The following VPS13B variants were observed in gnomAD, a reference collection of about 807,000 sequenced individuals.
VPS13B encodes intermembrane lipid transfer protein VPS13B.
VPS13B carries 285 observed loss-of-function variants against 426.4 expected under a neutral mutation model. The ratio of observed to expected loss-of-function variants is 0.67; its 90% CI spans 0.61 to 0.74. The LOEUF is 0.74. Ranked by LOEUF, VPS13B falls within the 30% of genes least tolerant of loss-of-function variation. The pLI is 0.00. For missense variants in VPS13B, 4,537 were observed against 4,782.6 expected (o/e 0.95, Z 1.51); for synonymous variants, 1,676 against 1,676.4 (o/e 1.00, Z 0.01).
intron 12 of VPS13B, among the ~76,000 whole-genome samples, chr8:99,138,743 T>C (rs1023253290): frequency 6.6e-6 from 1 of 152,230 alleles, no homozygotes; most frequent in Non-Finnish European, 1.5e-5. Context: ...TGTGTTCTAA[T>C]AGCATTGCAA....
intron 35 of VPS13B, among the ~76,000 whole-genome samples, chr8:99,677,446 G>A (rs1830985179): frequency 6.6e-6 from 1 of 152,204 alleles, no homozygotes; most frequent in Admixed American, 6.5e-5. Context: ...TTATCAAAAT[G>A]AAACAGTAAA....
chr8:99,695,026 A>G (rs1217201270), intron 35 of VPS13B, among the ~76,000 whole-genome samples: 3 of 147,736 alleles, frequency 2.0e-5, no homozygotes, highest in South Asian at 2.3e-4. Context: ...TAGAATGGCA[A>G]TCATTAAAAA....
At chr8:99,503,151 C>T (rs1821328427) in intron 27 of VPS13B, among the ~76,000 whole-genome samples, 1 of 152,146 alleles carries the variant, frequency 6.6e-6, no homozygotes, top group South Asian at 2.1e-4. Context: ...TGTTTGGTTT[C>T]TCAGTGTATA....
At chr8:99,676,427 C>G (rs1007602556) in intron 35 of VPS13B, among the ~76,000 whole-genome samples, 4 of 152,034 alleles carry the variant, frequency 2.6e-5, no homozygotes, top group Non-Finnish European at 4.4e-5. Context: ...TACATGGGTA[C>G]TGACCTAAAT....
chr8:99,701,225 G>A (rs1297019072), intron 36 of VPS13B, among the ~76,000 whole-genome samples: 1 of 152,168 alleles, frequency 6.6e-6, no homozygotes, highest in Non-Finnish European at 1.5e-5. Context: ...CATGGGTCAT[G>A]AAAGACTATG....
intron 15 of VPS13B, among the ~76,000 whole-genome samples, chr8:99,159,603 A>G (rs1811535796): frequency 6.6e-6 from 1 of 152,220 alleles, no homozygotes; most frequent in African/African-American, 2.4e-5. Context: ...CATCAAGGCA[A>G]AAAGGTTATT....
At chr8:99,266,647 G>C in intron 17 of VPS13B, among the ~76,000 whole-genome samples, 1 of 152,068 alleles carries the variant, frequency 6.6e-6, no homozygotes, top group Non-Finnish European at 1.5e-5. Flanking sequence ...GTGGTAGTGA[G>C]TTCTAGAGGG....
chr8:99,619,649 A>G (rs1828266213), intron 33 of VPS13B, among the ~76,000 whole-genome samples: 1 of 152,106 alleles, frequency 6.6e-6, no homozygotes, highest in African/African-American at 2.4e-5. Flanking sequence ...AGACAGGAGG[A>G]TTGCTTAAGT....
intron 19 of VPS13B, among the ~76,000 whole-genome samples, chr8:99,356,438 A>G (rs903567760): frequency 6.6e-5 from 10 of 152,210 alleles, no homozygotes; most frequent in South Asian, 2.1e-4. Flanking sequence ...GCTGGAGACC[A>G]GGAATTCAAG....
chr8:99,715,057 T>C (rs750013552), intron 36 of VPS13B, among the ~76,000 whole-genome samples: 2 of 152,176 alleles, frequency 1.3e-5, no homozygotes, highest in Non-Finnish European at 2.9e-5. Context: ...TTTTTCAACT[T>C]TTATGTAGGC....
intron 39 of VPS13B, among the ~76,000 whole-genome samples, chr8:99,754,085 G>GTTTT (rs34681251): frequency 2.2e-4 from 27 of 121,130 alleles, no homozygotes; most frequent in African/African-American, 7.9e-4. Flanking sequence ...TAGTATAAGG[G>GTTTT]TTTTTTTTTT....
chr8:99,484,808 T>A (rs1820215794), intron 25 of VPS13B, among the ~76,000 whole-genome samples: 1 of 149,116 alleles, frequency 6.7e-6, no homozygotes, highest in South Asian at 2.1e-4. Flanking sequence ...GATCATCATA[T>A]CATAACCATC....
chr8:99,229,843 A>G (rs1369550237), intron 17 of VPS13B, among the ~76,000 whole-genome samples: 2 of 152,192 alleles, frequency 1.3e-5, no homozygotes, highest in Non-Finnish European at 2.9e-5. Flanking sequence ...GAGGGTTTCA[A>G]CCAAAGGAGT....
In VPS13B at chr8:99,501,685, A is replaced by G. The variant is rs1563763999; in HGVS notation, c.3871-2A>G. The G allele has an allele frequency of 1.2e-6, 2 of 1,613,774 alleles. No individual in the cohort carries two copies. The highest frequency in any genetic ancestry group is 1.1e-5 in the South Asian group (1 of 91,066). Reference sequence around the variant, plus strand: ...TAAGATTTTTTTTTCTCCTCATCCCAGGGAGATTCTATACAAGCAGGTGAG... The same window carrying G: ...TAAGATTTTTTTTTCTCCTCATCCCGGGGAGATTCTATACAAGCAGGTGAG... On this transcript the variant is annotated splice_acceptor_variant, in intron 25 of 61. Transcript: ENST00000357162. LOFTEE classifies it high-confidence loss of function.
chr8:99,191,074 A>T (rs1813546086), intron 16 of VPS13B, among the ~76,000 whole-genome samples: 2 of 151,710 alleles, frequency 1.3e-5, no homozygotes, highest in Admixed American at 6.6e-5. Context: ...TTCTAGGCTG[A>T]CAGTTTTCCT....
intron 17 of VPS13B, among the ~76,000 whole-genome samples, chr8:99,194,381 A>G (rs1446572360): frequency 1.3e-5 from 2 of 152,074 alleles, no homozygotes; most frequent in Admixed American, 1.3e-4. Context: ...GAAACTTTGT[A>G]CCCTCTGAAC....
chr8:99,479,807 A>G (rs1419447618), intron 24 of VPS13B, among the ~76,000 whole-genome samples: 17 of 152,186 alleles, frequency 1.1e-4, no homozygotes, highest in Non-Finnish European at 2.2e-4. Flanking sequence ...CTGTCAATGT[A>G]TATTTGGGAT....
chr8:99,771,410 A>C (rs1811480004), intron 40 of VPS13B, among the ~76,000 whole-genome samples: 1 of 152,234 alleles, frequency 6.6e-6, no homozygotes, highest in African/African-American at 2.4e-5. Flanking sequence ...TGTGATAAAA[A>C]TTAAACCTCT....
intron 21 of VPS13B, among the ~76,000 whole-genome samples, chr8:99,395,456 T>C (rs1288117147): frequency 6.6e-6 from 1 of 152,100 alleles, no homozygotes; most frequent in Non-Finnish European, 1.5e-5. Context: ...ATAATTCTCA[T>C]TGGTTATTTA....
Sources: allele counts gnomAD v4.1 joint callset (sites outside exome capture counted in the v4.1 genomes callset), GRCh38; gene constraint gnomAD v4.1.1; transcripts MANE v1.5; gene names NCBI Gene and HGNC (gene_info 2026-07-23, HGNC 2026-07-21).